RXRG: variants seen among roughly 807,000 people sequenced by gnomAD.
The protein encoded by RXRG is retinoid X receptor gamma, also known as retinoic acid receptor RXR-gamma.
In RXRG, 19 loss-of-function variants were observed where a neutral mutation model predicts 49.2. The observed-to-expected ratio is 0.39, with a 90% CI of 0.27 to 0.57. The LOEUF is 0.57. Ranked by LOEUF, RXRG falls within the 20% of genes least tolerant of loss-of-function variation. The probability of loss-of-function intolerance (pLI) is 0.64; values close to 1 mark genes in which losing one functional copy is unlikely to be tolerated. For missense variants in RXRG, 452 were observed against 592.5 expected (o/e 0.76, Z 2.46); for synonymous variants, 224 against 216.6 (o/e 1.03, Z -0.30).
chr1:165,424,786 C>A (rs1255604403), intron 2 of RXRG: 2 of 985,430 alleles, frequency 2.0e-6, no homozygotes, highest in Non-Finnish European at 2.4e-6. Context: ...ATGCTTCCAT[C>A]ATGAATCCCT....
At chr1:165,429,657 C>T (rs1658611871) in intron 1 of RXRG, among the ~76,000 whole-genome samples, 1 of 152,148 alleles carries the variant, frequency 6.6e-6, no homozygotes, top group Non-Finnish European at 1.5e-5. Context: ...GGGGAGAAGA[C>T]TTGGAATGGC....
chr1:165,442,120 C>G (rs912084877), intron 1 of RXRG, among the ~76,000 whole-genome samples: 1 of 152,202 alleles, frequency 6.6e-6, no homozygotes, highest in African/African-American at 2.4e-5. Flanking sequence ...GGGTTATACA[C>G]CAAGTATTTT....
intron 6 of RXRG, 97 bp downstream of exon 6, chr1:165,410,605 G>T: frequency 7.3e-7 from 1 of 1,373,786 alleles, no homozygotes; most frequent in Non-Finnish European, 1.0e-6. Flanking sequence ...ATGGTACATA[G>T]CTTGGACATG....
intron 1 of RXRG, among the ~76,000 whole-genome samples, chr1:165,431,643 G>C (rs1195235631): frequency 6.6e-6 from 1 of 152,144 alleles, no homozygotes; most frequent in Non-Finnish European, 1.5e-5. Context: ...GCTTTAAACA[G>C]ATCTCAGAGA....
intron 9 of RXRG, 45 bp downstream of exon 9, chr1:165,406,767 G>T: frequency 7.6e-7 from 1 of 1,315,902 alleles, no homozygotes; most frequent in Non-Finnish European, 1.1e-6. Flanking sequence ...ATGAAGAGTG[G>T]GAGTAGTTGC....
At chr1:165,437,787 G>A (rs866269383) in intron 1 of RXRG, among the ~76,000 whole-genome samples, 6 of 152,186 alleles carry the variant, frequency 3.9e-5, no homozygotes, top group Non-Finnish European at 8.8e-5. Context: ...ACAGCCAGCC[G>A]GTCCTCGTTA....
At chr1:165,408,879 G>A (rs78093250) in intron 7 of RXRG, among the ~76,000 whole-genome samples, 2,206 of 152,250 alleles carry the variant, frequency 0.014, 53 homozygotes, top group African/African-American at 0.05. Flanking sequence ...AAGGGACAAC[G>A]GGGCCCTGGC....
intron 6 of RXRG, among the ~76,000 whole-genome samples, chr1:165,410,219 T>C (rs1005071682): frequency 2.0e-5 from 3 of 152,148 alleles, no homozygotes; most frequent in Non-Finnish European, 4.4e-5. Context: ...ATTTCCCTGC[T>C]GGCTCAGTGA....
chr1:165,410,597 G>A, intron 6 of RXRG, 105 bp downstream of exon 6: 1 of 1,274,696 alleles, frequency 7.8e-7, no homozygotes, highest in Admixed American at 2.0e-5. Context: ...TCATCAGCAT[G>A]GTACATAGCT....
intron 1 of RXRG, among the ~76,000 whole-genome samples, chr1:165,440,937 G>A (rs1571292376): frequency 6.6e-6 from 1 of 152,330 alleles, no homozygotes; most frequent in African/African-American, 2.4e-5. Context: ...TACGAAATAT[G>A]TTCCTTCCTA....
chr1:165,406,901 G>T lies in RXRG; in HGVS notation c.1155C>A (p.Ser385=). ...GCAGAGTCTCCACCTCAGAGGGGTT[G>T]GACAGGCCCTTGGCATCTAAAAGAC... ...VLFNPDAKGL[S]NPSEVETLRE... The change falls in exon 9 of 10, where the codon TCC becomes TCA. Residue 385 remains serine, a synonymous_variant. Transcript: ENST00000359842. 6.2e-7 allele frequency: 1 copy of T among 1,613,572 alleles called. No individual in the cohort carries two copies. The highest frequency in any genetic ancestry group is 1.3e-5 in the African/African-American group (1 of 75,020).
At chr1:165,405,618 G>A (rs902155623) in intron 9 of RXRG, among the ~76,000 whole-genome samples, 6 of 152,190 alleles carry the variant, frequency 3.9e-5, no homozygotes, top group Non-Finnish European at 7.3e-5. Flanking sequence ...TATGGCTCTG[G>A]GTCATGGTGG....
chr1:165,401,915 C>T (rs975286300), intron 9 of RXRG, among the ~76,000 whole-genome samples: 6 of 152,198 alleles, frequency 3.9e-5, no homozygotes, highest in Admixed American at 3.3e-4. Context: ...TTCCAGCCCC[C>T]ACAAAAAATC....
At chr1:165,401,631 GA>G (rs1178166732) in intron 9 of RXRG, among the ~76,000 whole-genome samples, 1 of 152,218 alleles carries the variant, frequency 6.6e-6, no homozygotes, top group Non-Finnish European at 1.5e-5. Flanking sequence ...GACCCTTCAA[GA>G]ATCTTGAATT....
At chr1:165,436,939 T>C (rs1658833643) in intron 1 of RXRG, 13 of 1,128,406 alleles carry the variant, frequency 1.2e-5, no homozygotes, top group Non-Finnish European at 1.4e-5. Flanking sequence ...AAGCCTGTTA[T>C]CATCTTTAAT....
intron 1 of RXRG, among the ~76,000 whole-genome samples, chr1:165,437,525 T>C (rs1003668160): frequency 4.6e-5 from 7 of 152,262 alleles, no homozygotes; most frequent in Middle Eastern, 3.4e-3. Flanking sequence ...CTGCCGTCTT[T>C]AGAAGACAAT....
At chr1:165,432,475 A>G (rs1056215371) in intron 1 of RXRG, among the ~76,000 whole-genome samples, 1 of 152,250 alleles carries the variant, frequency 6.6e-6, no homozygotes, top group Non-Finnish European at 1.5e-5. Flanking sequence ...GAAAACAACA[A>G]CTTTTATGAC....
intron 1 of RXRG, among the ~76,000 whole-genome samples, chr1:165,439,324 G>C (rs1266801073): frequency 6.6e-6 from 1 of 151,498 alleles, no homozygotes; most frequent in Admixed American, 6.6e-5. Context: ...GTGGAGGAGA[G>C]GGAGAGAGGC....
Position 165,428,905 on chromosome 1 carries a change from C to T in RXRG, c.111G>A (p.Lys37=), listed in dbSNP as rs374305512. Residue 37 remains lysine, a synonymous_variant, in exon 2 of 10, where the codon AAG becomes AAA. Transcript: ENST00000359842. ...MSPSAALSTG[K]PMDSHPSYTD... ...TGTAGCTGGGGTGGCTGTCCATTGG[C>T]TTCCCTGTGGACAAGGCTGCTGATG... The T allele has an allele frequency of 6.2e-7, 1 of 1,613,920 alleles. No individual in the cohort carries two copies. Among genetic ancestry groups the T allele is most frequent in the Non-Finnish European group, 8.5e-7 (1 of 1,179,962 alleles).
Sources: gnomAD v4.1 joint callset for allele counts (sites outside exome capture counted in the v4.1 genomes callset) on GRCh38, gnomAD v4.1.1 for gene constraint, MANE v1.5 for transcripts, NCBI Gene and HGNC (gene_info 2026-07-23, HGNC 2026-07-21) for gene names.